Variants in VPS8 observed in about 807,000 individuals in gnomAD.
VPS8 encodes VPS8 subunit of CORVET complex.
VPS8 carries 129 observed loss-of-function variants against 216.4 expected under a neutral mutation model. That is an observed-to-expected ratio of 0.60 (90% CI 0.52 to 0.69). VPS8 has a LOEUF of 0.69. VPS8 is among the 30% of genes least tolerant of loss of function. VPS8 has a pLI of 0.00. For synonymous variants in VPS8, 571 were observed against 565.4 expected (o/e 1.01, Z -0.14); for missense variants, 1,531 against 1,683.5 (o/e 0.91, Z 1.59).
chr3:184,827,609 G>T (rs1210183558), intron 3 of VPS8, among the ~76,000 whole-genome samples: 2 of 152,202 alleles, frequency 1.3e-5, no homozygotes, highest in African/African-American at 4.8e-5. Flanking sequence ...GGCCTTGTTT[G>T]TAAATTATTA....
At chr3:184,817,985 T>A (rs934308433) in intron 1 of VPS8, among the ~76,000 whole-genome samples, 10 of 151,852 alleles carry the variant, frequency 6.6e-5, no homozygotes, top group African/African-American at 2.4e-4. Context: ...CATAGGCAGA[T>A]CCAGTTTGAA....
chr3:184,904,749 AT>A (rs1414354073), intron 25 of VPS8, among the ~76,000 whole-genome samples: 1 of 151,996 alleles, frequency 6.6e-6, no homozygotes, highest in Non-Finnish European at 1.5e-5. Context: ...TCTCTCTTTT[AT>A]TTTTTGGAAG....
At chr3:185,049,759 G>C (rs1713767320) in intron 47 of VPS8, among the ~76,000 whole-genome samples, 1 of 152,084 alleles carries the variant, frequency 6.6e-6, no homozygotes, top group African/African-American at 2.4e-5. Flanking sequence ...AAACTGCTGT[G>C]TCCTCTGCTT....
intron 38 of VPS8, among the ~76,000 whole-genome samples, chr3:184,965,094 A>G (rs1271507817): frequency 5.3e-5 from 8 of 152,136 alleles, no homozygotes; most frequent in Non-Finnish European, 1.2e-4. Flanking sequence ...TCTTGCTAAC[A>G]CTTTCTGTTT....
intron 21 of VPS8, among the ~76,000 whole-genome samples, chr3:184,875,278 C>T (rs1423360698): frequency 1.3e-5 from 2 of 151,992 alleles, no homozygotes; most frequent in Non-Finnish European, 2.9e-5. Context: ...GGTGAGGAAC[C>T]TCACCTTTTC....
intron 1 of VPS8, among the ~76,000 whole-genome samples, chr3:184,821,024 T>G (rs1717460422): frequency 6.6e-6 from 1 of 152,208 alleles, no homozygotes; most frequent in Non-Finnish European, 1.5e-5. Flanking sequence ...AATACTGGAT[T>G]TTGTTTTAGA....
intron 36 of VPS8, among the ~76,000 whole-genome samples, chr3:184,955,584 G>T (rs940231142): frequency 2.0e-5 from 3 of 151,836 alleles, no homozygotes; most frequent in Non-Finnish European, 4.4e-5. Flanking sequence ...GGTTCCCCGG[G>T]CCCAGCTATT....
intron 45 of VPS8, among the ~76,000 whole-genome samples, chr3:185,005,756 A>G (rs1450676071): frequency 6.6e-6 from 1 of 152,052 alleles, no homozygotes; most frequent in African/African-American, 2.4e-5. Context: ...TTTTTATCCT[A>G]AATCTTTATT....
chr3:184,912,877 G>T (rs963343125), intron 25 of VPS8, among the ~76,000 whole-genome samples: 1 of 152,184 alleles, frequency 6.6e-6, no homozygotes, highest in African/African-American at 2.4e-5. Context: ...TCTGTGCGCT[G>T]TGGGCGTTCC....
chr3:184,927,925 T>C (rs1286986163), intron 31 of VPS8, among the ~76,000 whole-genome samples: 1 of 152,226 alleles, frequency 6.6e-6, no homozygotes, highest in African/African-American at 2.4e-5. Flanking sequence ...TGAACAGTAT[T>C]CCGTTGTATG....
chr3:184,930,606 C>T (rs763155151), intron 34 of VPS8, 38 bp downstream of exon 34: 64 of 1,469,064 alleles, frequency 4.4e-5, no homozygotes, highest in Middle Eastern at 3.5e-4. Context: ...ACCATCTGAA[C>T]GATCATCTAA....
At chr3:185,026,504 C>T (rs758250261) in intron 46 of VPS8, among the ~76,000 whole-genome samples, 1 of 149,320 alleles carries the variant, frequency 6.7e-6, no homozygotes, top group East Asian at 2.0e-4. Flanking sequence ...CTCTGCCTCC[C>T]GTGTTCAAGC....
intron 22 of VPS8, among the ~76,000 whole-genome samples, chr3:184,893,950 A>T (rs1732851643): frequency 6.6e-6 from 1 of 152,218 alleles, no homozygotes; most frequent in Non-Finnish European, 1.5e-5. Context: ...TGAAAACAGA[A>T]TTCCGAATTC....
intron 10 of VPS8, among the ~76,000 whole-genome samples, chr3:184,851,974 A>C (rs1724363535): frequency 6.6e-6 from 1 of 152,222 alleles, no homozygotes; most frequent in Non-Finnish European, 1.5e-5. Context: ...CTGTGGAAGA[A>C]GATCAAGGAG....
intron 37 of VPS8, 122 bp from the exon 38 acceptor site, chr3:184,964,346 A>C (rs201208734): frequency 8.3e-5 from 43 of 515,274 alleles, no homozygotes; most frequent in Non-Finnish European, 3.1e-6. Flanking sequence ...GTACTGTAAA[A>C]TATCATACTA....
intron 36 of VPS8, among the ~76,000 whole-genome samples, chr3:184,955,039 G>T (rs1003472983): frequency 2.6e-5 from 4 of 152,170 alleles, no homozygotes; most frequent in African/African-American, 9.7e-5. Context: ...GCCGCTTGAG[G>T]GCTCTTTGGT....
At chr3:184,865,756 G>C (rs1403741209) in intron 16 of VPS8, among the ~76,000 whole-genome samples, 6 of 152,208 alleles carry the variant, frequency 3.9e-5, no homozygotes, top group Admixed American at 3.3e-4. Flanking sequence ...GGGAGGCCGA[G>C]GCGGGAGGAT....
Position 184,863,003 on chromosome 3 carries a change from A to G in VPS8, c.1331A>G (p.Gln444Arg), listed in dbSNP as rs1323987148. The part of the protein sequence containing the change: ...ELETVEISEV[Q>R]LVYNSSHFKS... ...GAGACAGTGGAGATCTCAGAAGTTC[A>G]GCTGGTCTACAATAGCAGCCATTTC... is the stretch of plus-strand genomic sequence containing the variant. Residue 444 changes from glutamine (Q) to arginine (R), a missense_variant, in exon 16 of 48, where the codon CAG (glutamine) becomes CGG (arginine). Gln to Arg is a conservative substitution (Grantham distance 43). Around this residue, in one of 3 missense-constraint regions of VPS8, gnomAD observed 1,318 missense variants for 1,468.4 expected, o/e 0.90. Transcript: ENST00000625842. 4 of 1,613,156 alleles carry G rather than the reference A, an allele frequency of 2.5e-6. No homozygotes were observed. The highest frequency in any genetic ancestry group is 3.4e-6 in the Non-Finnish European group (4 of 1,179,560).
chr3:184,878,924 G>C (rs557854313), intron 21 of VPS8, among the ~76,000 whole-genome samples: 2 of 151,964 alleles, frequency 1.3e-5, no homozygotes, highest in African/African-American at 4.8e-5. Flanking sequence ...ATGTTTATCT[G>C]TTTTGGTGTA....
Sources: gnomAD v4.1 joint callset for allele counts (sites outside exome capture counted in the v4.1 genomes callset) on GRCh38, gnomAD v4.1.1 for gene constraint, gnomAD v4.1.1 regional missense constraint, MANE v1.5 for transcripts, NCBI Gene and HGNC (gene_info 2026-07-23, HGNC 2026-07-21) for gene names.